Variants in CHAT observed in about 807,000 individuals in gnomAD.
The protein encoded by CHAT is choline O-acetyltransferase, also known as acetyl CoA:choline O-acetyltransferase.
CHAT carries 61 observed loss-of-function variants against 76.9 expected under a neutral mutation model. The observed-to-expected ratio is 0.79, with a 90% CI of 0.65 to 0.98. CHAT has a LOEUF of 0.98. Ranked by LOEUF, CHAT falls within the 50% of genes least tolerant of loss-of-function variation. The pLI is 0.00. For synonymous variants in CHAT, 407 were observed against 397.4 expected (o/e 1.02, Z -0.29); for missense variants, 946 against 986.9 (o/e 0.96, Z 0.56).
At chr10:49,658,734 T>C (rs935486707) in intron 13 of CHAT, among the ~76,000 whole-genome samples, 3 of 151,862 alleles carry the variant, frequency 2.0e-5, no homozygotes, top group African/African-American at 7.3e-5. Flanking sequence ...AAACAAAAAC[T>C]TGAAATGAAA....
chr10:49,663,762 G>A (rs1253790571), intron 14 of CHAT, among the ~76,000 whole-genome samples: 2 of 152,226 alleles, frequency 1.3e-5, no homozygotes, highest in African/African-American at 4.8e-5. Context: ...ACTCAGTAAT[G>A]GGATGTTGTC....
At chr10:49,626,759 A>G (rs1183919201) in intron 6 of CHAT, among the ~76,000 whole-genome samples, 1 of 152,234 alleles carries the variant, frequency 6.6e-6, no homozygotes, top group African/African-American at 2.4e-5. Context: ...CAAGGTACTC[A>G]TGTCAATCAG....
intron 8 of CHAT, among the ~76,000 whole-genome samples, 182 bp from the exon 9 acceptor site, chr10:49,648,325 T>A (rs1241721037): frequency 6.6e-6 from 1 of 152,154 alleles, no homozygotes; most frequent in Non-Finnish European, 1.5e-5. Context: ...TGCAGAGTAG[T>A]CTTGGATTCT....
chr10:49,648,467 G>A, intron 8 of CHAT, 40 bp from the exon 9 acceptor site: 3 of 1,541,206 alleles, frequency 1.9e-6, no homozygotes, highest in Non-Finnish European at 2.7e-6. Context: ...TTGCAATGCT[G>A]ACTCTCCCAT....
At position 49,622,149 on chromosome 10, in the gene CHAT, A is replaced by C; in HGVS notation, c.751A>C (p.Ser251Arg). 1 of 1,591,568 alleles carries C rather than the reference A, an allele frequency of 6.3e-7. No homozygotes were observed. Among genetic ancestry groups the C allele is most frequent in the East Asian group, 2.3e-5 (1 of 43,408 alleles). Residue 251 changes from serine (S) to arginine (R), a missense_variant and splice_region_variant, in exon 5 of 15, where the codon AGC becomes CGC. Physicochemically the swap from Ser to Arg is moderately radical, Grantham distance 110. Around this residue, in one of 3 missense-constraint regions of CHAT, gnomAD observed 548 missense variants for 516.2 expected, o/e 1.06. Transcript: ENST00000337653. ...GVLSYKALLDSHSIPTDCAKG... is the reference protein window; with the variant it reads ...GVLSYKALLDRHSIPTDCAKG... Reference sequence around the variant, plus strand: ...ACTCAGCTACAAGGCCCTGCTGGACAGGTAGGACTGGGAGGGTGGTGCCCT... The same window carrying C: ...ACTCAGCTACAAGGCCCTGCTGGACCGGTAGGACTGGGAGGGTGGTGCCCT...
At chr10:49,643,659 A>G (rs891306754) in intron 7 of CHAT, among the ~76,000 whole-genome samples, 6 of 152,170 alleles carry the variant, frequency 3.9e-5, no homozygotes, top group African/African-American at 1.4e-4. Flanking sequence ...CCATCAATTC[A>G]TGAAGCTCAA....
chr10:49,650,915 G>C (rs1231536228), intron 10 of CHAT, among the ~76,000 whole-genome samples: 1 of 152,192 alleles, frequency 6.6e-6, no homozygotes, highest in Admixed American at 6.5e-5. Context: ...CCAAGGCAGT[G>C]AGCTGGTGGG....
chr10:49,614,344 C>A lies in CHAT; in HGVS notation c.155C>A (p.Ala52Asp). The A allele has an allele frequency of 6.5e-7, 1 of 1,546,696 alleles. No homozygotes were observed. Among genetic ancestry groups the A allele is most frequent in the Non-Finnish European group, 8.7e-7 (1 of 1,145,828 alleles). ...GACCCGGGCGACGTCGGAGGCCCTGCCGGGAACCCAGGCTGCAGCCCCCAC... is the reference window on the plus strand; with the variant it reads ...GACCCGGGCGACGTCGGAGGCCCTGACGGGAACCCAGGCTGCAGCCCCCAC... ...RGDPGDVGGPAGNPGCSPHPR... is the reference protein window; with the variant it reads ...RGDPGDVGGPDGNPGCSPHPR... The change falls in exon 1 of 15, where the codon GCC becomes GAC. Residue 52 changes from alanine to aspartate, a missense_variant. Around this residue, in one of 3 missense-constraint regions of CHAT, gnomAD observed 548 missense variants for 516.2 expected, o/e 1.06. Coordinates refer to ENST00000337653, the MANE Select transcript of CHAT (RefSeq NM_020549.5).
upstream of CHAT, chr10:49,611,060 C>T (rs776937045): frequency 4.3e-6 from 7 of 1,614,050 alleles, no homozygotes; most frequent in Admixed American, 1.2e-4. Flanking sequence ...GCGTGGCCAG[C>T]GGGCTCAGCC....
At chr10:49,653,159 T>C (rs562643561) in intron 11 of CHAT, among the ~76,000 whole-genome samples, 5 of 151,976 alleles carry the variant, frequency 3.3e-5, no homozygotes, top group African/African-American at 4.8e-5. Flanking sequence ...AGAGACTGAA[T>C]CACAGACGGG....
chr10:49,656,271 T>C (rs1221786998), intron 13 of CHAT, among the ~76,000 whole-genome samples: 3 of 142,350 alleles, frequency 2.1e-5, no homozygotes. Context: ...CACCCACTCA[T>C]GTATTCAGTG....
intron 9 of CHAT, 148 bp downstream of exon 9, chr10:49,648,755 AC>A: frequency 1.6e-6 from 1 of 640,992 alleles, no homozygotes; most frequent in East Asian, 2.8e-5. Flanking sequence ...ACACACACAC[AC>A]ACGATGAATT....
At chr10:49,610,152 G>T, upstream of CHAT, 1 of 152,176 alleles carries the variant, frequency 6.6e-6, no homozygotes, top group South Asian at 2.0e-4. Context: ...CTGGAGAGCG[G>T]ACCCCTGCCC....
rs747645217 is a variant in CHAT at position 49,627,733 on chromosome 10, G to A, written c.1059G>A (p.Leu353=). ...EDERLPPIGL[L]TSDGRSEWAE... is the part of the protein sequence containing the mutation. ...AGCGTTTGCCTCCAATTGGCCTGCTGACGTCTGACGGGAGGAGCGAGTGGG... is the reference window on the plus strand; with the variant it reads ...AGCGTTTGCCTCCAATTGGCCTGCTAACGTCTGACGGGAGGAGCGAGTGGG... Residue 353 remains leucine (L), a synonymous_variant, in exon 7 of 15, where the codon CTG becomes CTA. Coordinates refer to ENST00000337653, the MANE Select transcript of CHAT (RefSeq NM_020549.5). The A allele has an allele frequency of 1.2e-6, 2 of 1,613,942 alleles. No homozygotes were observed. The highest frequency in any genetic ancestry group is 2.2e-5 in the South Asian group (2 of 91,084).
At chr10:49,611,821 G>T (rs554262479), upstream of CHAT, 34 of 1,603,782 alleles carry the variant, frequency 2.1e-5, 1 homozygote, top group South Asian at 3.5e-4. Flanking sequence ...GCTGTACGGC[G>T]CGCTTGGGCT....
intron 10 of CHAT, among the ~76,000 whole-genome samples, chr10:49,650,668 C>T (rs748706279): frequency 6.6e-6 from 1 of 152,158 alleles, no homozygotes; most frequent in Non-Finnish European, 1.5e-5. Flanking sequence ...CCTGCCCTGC[C>T]ACTGGAGGGT....
intron 10 of CHAT, among the ~76,000 whole-genome samples, chr10:49,650,487 TGCAA>T (rs989392278): frequency 6.6e-6 from 1 of 152,074 alleles, no homozygotes; most frequent in African/African-American, 2.4e-5. Context: ...GAGTTCATGG[TGCAA>T]GCAGATGGGG....
In CHAT at chr10:49,665,109, C is replaced by T. The variant is rs1338089820; in HGVS notation, c.*63C>T. On this transcript the variant is annotated 3_prime_UTR_variant, in exon 15 of 15. Transcript: ENST00000337653. ...TAGAACAGCCAGACCCTGCAGATCC[C>T]CACTCCCGTCCCTTACCCCAGCTTT... 1.9e-6 allele frequency: 3 copies of T among 1,576,192 alleles called. No individual in the cohort carries two copies. The highest frequency in any genetic ancestry group is 1.3e-5 in the African/African-American group (1 of 74,266).
intron 5 of CHAT, among the ~76,000 whole-genome samples, chr10:49,622,648 T>C (rs1018947049): frequency 1.3e-5 from 2 of 152,116 alleles, no homozygotes; most frequent in African/African-American, 4.8e-5. Context: ...GTCCCTCTCC[T>C]GGCCAAGCTT....
Sources: gnomAD v4.1 joint callset for allele counts (sites outside exome capture counted in the v4.1 genomes callset) on GRCh38, gnomAD v4.1.1 for gene constraint, gnomAD v4.1.1 regional missense constraint, MANE v1.5 for transcripts, NCBI Gene and HGNC (gene_info 2026-07-23, HGNC 2026-07-21) for gene names.